Variants in KIAA1328 observed in about 807,000 individuals in gnomAD.
KIAA1328 encodes protein hinderin.
In KIAA1328, 52 loss-of-function variants were observed where a neutral mutation model predicts 68.1. The observed-to-expected ratio is 0.76, with a 90% confidence interval of 0.61 to 0.96. KIAA1328 has a LOEUF of 0.96. Among genes scored for constraint, KIAA1328 ranks in the 40% least tolerant of loss-of-function variants. The pLI, the probability that KIAA1328 is intolerant of heterozygous loss-of-function variation, is 0.00. For synonymous variants in KIAA1328, 232 were observed against 239.4 expected (o/e 0.97, Z 0.28); for missense variants, 641 against 677.6 (o/e 0.95, Z 0.60).
chr18:37,157,897 C>A (rs2059189643), intron 7 of KIAA1328, among the ~76,000 whole-genome samples: 1 of 148,918 alleles, frequency 6.7e-6, no homozygotes, highest in Non-Finnish European at 1.5e-5. Context: ...ATAATTTATT[C>A]ATTCTCTTAT....
intron 9 of KIAA1328, among the ~76,000 whole-genome samples, chr18:37,187,758 G>A (rs1420654446): frequency 2.6e-5 from 4 of 152,074 alleles, no homozygotes; most frequent in Non-Finnish European, 5.9e-5. Flanking sequence ...ATTTTTAAGA[G>A]CCAAGATGGA....
intron 4 of KIAA1328, among the ~76,000 whole-genome samples, chr18:36,849,703 G>A (rs912074152): frequency 2.0e-5 from 3 of 152,070 alleles, no homozygotes; most frequent in African/African-American, 7.2e-5. Flanking sequence ...GTTTGAGCAT[G>A]TGTTTCAGTT....
chr18:36,945,162 T>G (rs1013312412), intron 5 of KIAA1328, among the ~76,000 whole-genome samples: 3 of 152,178 alleles, frequency 2.0e-5, no homozygotes, highest in African/African-American at 7.2e-5. Flanking sequence ...CCCCTTGATT[T>G]TAGTGATATT....
At chr18:37,085,878 T>C (rs576584573) in intron 7 of KIAA1328, among the ~76,000 whole-genome samples, 2 of 152,284 alleles carry the variant, frequency 1.3e-5, no homozygotes, top group South Asian at 4.1e-4. Context: ...CTTCCTTCTG[T>C]CCTCTCAATA....
intron 4 of KIAA1328, among the ~76,000 whole-genome samples, chr18:36,874,911 C>T (rs760261963): frequency 4.6e-5 from 7 of 152,106 alleles, no homozygotes; most frequent in Admixed American, 6.5e-5. Context: ...GCCAGTTTTC[C>T]CAACACCATT....
chr18:37,000,056 C>T (rs894865842), intron 6 of KIAA1328, among the ~76,000 whole-genome samples: 4 of 151,808 alleles, frequency 2.6e-5, no homozygotes, highest in Admixed American at 6.6e-5. Context: ...TCAGAATATA[C>T]AGAATATTTA....
At chr18:36,981,249 A>G (rs967066863) in intron 6 of KIAA1328, among the ~76,000 whole-genome samples, 6 of 152,184 alleles carry the variant, frequency 3.9e-5, no homozygotes, top group Non-Finnish European at 8.8e-5. Context: ...CACTGATTCA[A>G]CAAATCAGAA....
intron 6 of KIAA1328, among the ~76,000 whole-genome samples, chr18:36,962,400 TAGAC>T (rs1244050961): frequency 1.3e-5 from 2 of 152,184 alleles, no homozygotes; most frequent in African/African-American, 2.4e-5. Flanking sequence ...CTGTCAATAT[TAGAC>T]AGATCAATGG....
At chr18:37,197,616 T>C (rs965899418) in intron 9 of KIAA1328, among the ~76,000 whole-genome samples, 1 of 152,078 alleles carries the variant, frequency 6.6e-6, no homozygotes, top group African/African-American at 2.4e-5. Flanking sequence ...TTAGCTTCCT[T>C]CCCTGTTGCA....
chr18:37,207,087 G>A (rs1752087856), intron 9 of KIAA1328, among the ~76,000 whole-genome samples: 1 of 152,100 alleles, frequency 6.6e-6, no homozygotes, highest in South Asian at 2.1e-4. Context: ...GTAGTTGGAG[G>A]TAAAAAGGAG....
At chr18:37,011,721 G>T (rs1016820013) in intron 6 of KIAA1328, among the ~76,000 whole-genome samples, 5 of 152,122 alleles carry the variant, frequency 3.3e-5, no homozygotes, top group Non-Finnish European at 5.9e-5. Flanking sequence ...AACTCAAAAG[G>T]TTATATACTG....
At chr18:36,870,137 C>T (rs1601069797) in intron 4 of KIAA1328, among the ~76,000 whole-genome samples, 1 of 152,182 alleles carries the variant, frequency 6.6e-6, no homozygotes, top group South Asian at 2.1e-4. Flanking sequence ...GCTGGAATTA[C>T]AGGTGTGAGC....
At chr18:37,123,823 TAC>T (rs748822304) in intron 7 of KIAA1328, among the ~76,000 whole-genome samples, 1 of 152,156 alleles carries the variant, frequency 6.6e-6, no homozygotes, top group East Asian at 1.9e-4. Context: ...TTATTTAAAA[TAC>T]ACACACACAT....
At chr18:37,082,488 C>G (rs2056982757) in intron 7 of KIAA1328, among the ~76,000 whole-genome samples, 1 of 152,060 alleles carries the variant, frequency 6.6e-6, no homozygotes, top group Non-Finnish European at 1.5e-5. Flanking sequence ...AATTTCACTT[C>G]AACTAAATTC....
At chr18:37,137,998 C>A (rs1401738344) in intron 7 of KIAA1328, among the ~76,000 whole-genome samples, 3 of 152,258 alleles carry the variant, frequency 2.0e-5, no homozygotes, top group African/African-American at 7.2e-5. Context: ...CTCTATAATT[C>A]TCAGCAATTA....
At chr18:37,133,350 G>A (rs2058567604) in intron 7 of KIAA1328, among the ~76,000 whole-genome samples, 1 of 151,420 alleles carries the variant, frequency 6.6e-6, no homozygotes, top group South Asian at 2.1e-4. Context: ...GGAGAAAATA[G>A]TGGCTGTAGG....
chr18:37,119,809 A>G (rs1599342215), intron 7 of KIAA1328, among the ~76,000 whole-genome samples: 1 of 152,196 alleles, frequency 6.6e-6, no homozygotes, highest in East Asian at 1.9e-4. Flanking sequence ...TGTATTTCCT[A>G]CCTTTGTCTG....
chr18:37,038,100 C>CA (rs547882836), intron 6 of KIAA1328, among the ~76,000 whole-genome samples: 204 of 134,040 alleles, frequency 1.5e-3, no homozygotes, highest in African/African-American at 4.0e-3. Context: ...GACTCTGTCT[C>CA]AAAAAAAAAA....
chr18:36,894,139 CT>C (rs1486019758), intron 5 of KIAA1328, among the ~76,000 whole-genome samples: 1 of 152,072 alleles, frequency 6.6e-6, no homozygotes, highest in East Asian at 1.9e-4. Context: ...AAGTGTTCTG[CT>C]TTTTTCACTA....
Sources: allele counts gnomAD v4.1 joint callset (sites outside exome capture counted in the v4.1 genomes callset), GRCh38; gene constraint gnomAD v4.1.1; transcripts MANE v1.5; gene names NCBI Gene and HGNC (gene_info 2026-07-23, HGNC 2026-07-21).